Variants in PTK2B observed in about 807,000 individuals in gnomAD.
The protein encoded by PTK2B is protein-tyrosine kinase 2-beta.
In PTK2B, 71 loss-of-function variants were observed where a neutral mutation model predicts 142.9. That is an observed-to-expected ratio of 0.50 (90% CI 0.41 to 0.61). The LOEUF (loss-of-function observed/expected upper bound fraction) is 0.61, where lower values mean the gene tolerates loss of function less well. PTK2B is among the 20% of genes least tolerant of loss of function. The pLI, the probability that PTK2B is intolerant of heterozygous loss-of-function variation, is 0.00. For synonymous variants in PTK2B, 519 were observed against 503.4 expected (o/e 1.03, Z -0.42); for missense variants, 1,105 against 1,320.4 (o/e 0.84, Z 2.53).
Position 27,437,478 on chromosome 8 carries a change from A to G in PTK2B, c.1509A>G (p.Glu503=), listed in dbSNP as rs1467206313. Residue 503 remains glutamate, a synonymous_variant, in exon 17 of 31, where the codon GAA becomes GAG. Coordinates refer to ENST00000346049, the MANE Select transcript of PTK2B (RefSeq NM_173176.3). ...AGGAGCCCACCTGGATCATCATGGA[A>G]TTGTATCCCTATGGGGAGGTGAGCT... ...IEEEPTWIIM[E]LYPYGELGHY... is the part of the protein sequence containing the mutation. The G allele has an allele frequency of 6.2e-7, 1 of 1,611,424 alleles. No homozygotes were observed. The highest frequency in any genetic ancestry group is 1.7e-5 in the Admixed American group (1 of 59,580).
intron 26 of PTK2B, 61 bp downstream of exon 26, chr8:27,451,139 T>C (rs1420181620): frequency 1.3e-6 from 2 of 1,561,366 alleles, no homozygotes; most frequent in Non-Finnish European, 1.8e-6. Flanking sequence ...TCGCCCACCA[T>C]AGGACCCCCC....
intron 2 of PTK2B, among the ~76,000 whole-genome samples, chr8:27,399,010 A>G (rs927646842): frequency 6.6e-6 from 1 of 152,196 alleles, no homozygotes; most frequent in African/African-American, 2.4e-5. Flanking sequence ...ATAAAGGCAC[A>G]ATTGTGTCCT....
intron 4 of PTK2B, among the ~76,000 whole-genome samples, chr8:27,421,025 G>A (rs1809714823): frequency 6.6e-6 from 1 of 152,172 alleles, no homozygotes; most frequent in Non-Finnish European, 1.5e-5. Context: ...GCAAGAGCAG[G>A]TCCAAGATGA....
intron 1 of PTK2B, among the ~76,000 whole-genome samples, chr8:27,362,473 C>T (rs979719313): frequency 6.6e-6 from 1 of 152,160 alleles, no homozygotes; most frequent in Non-Finnish European, 1.5e-5. Context: ...AATTTCTCAC[C>T]TAGGGGAGGT....
intron 1 of PTK2B, among the ~76,000 whole-genome samples, chr8:27,350,990 A>AATATATATATATATAT (rs1161548916): frequency 1.7e-4 from 2 of 12,088 alleles, no homozygotes; most frequent in Non-Finnish European, 3.1e-4. Flanking sequence ...AAAAAAAAAA[A>AATATATATATATATAT]ATATATATAT....
chr8:27,373,447 AT>A lies in PTK2B; in HGVS notation c.-37-24099del, dbSNP rs201033010. Among the ~76,000 whole-genome samples the A allele has an allele frequency of 5.5e-3, 839 of 152,228 alleles. 4 individuals carry two copies. The highest frequency in any genetic ancestry group is 0.019 in the African/African-American group (789 of 41,526). ...GAAAGTAGCTAAACAACTGGAGAGA[AT>A]TGGCCTTGGGCAAGCAGCTAGGAGA... On this transcript the variant is annotated intron_variant, in intron 1 of 30. Coordinates refer to ENST00000346049, the MANE Select transcript of PTK2B (RefSeq NM_173176.3).
intron 22 of PTK2B, among the ~76,000 whole-genome samples, chr8:27,443,288 TG>T (rs1403953093): frequency 6.6e-6 from 1 of 152,164 alleles, no homozygotes; most frequent in African/African-American, 2.4e-5. Flanking sequence ...GACACATGGG[TG>T]GGAAGTATCC....
chr8:27,433,945 A>G, intron 11 of PTK2B, 148 bp from the exon 12 acceptor site: 1 of 1,105,914 alleles, frequency 9.0e-7, no homozygotes, highest in Non-Finnish European at 1.4e-6. Context: ...TTCTGGCCCA[A>G]GGCCTCACTA....
At chr8:27,418,977 G>A (rs1419236536) in intron 2 of PTK2B, among the ~76,000 whole-genome samples, 4 of 151,974 alleles carry the variant, frequency 2.6e-5, no homozygotes, top group Non-Finnish European at 5.9e-5. Flanking sequence ...GCAGTGAGCC[G>A]AGATCACATC....
At chr8:27,310,924 G>A (rs573527374), upstream of PTK2B, 2 of 1,612,670 alleles carry the variant, frequency 1.2e-6, no homozygotes, top group Non-Finnish European at 1.7e-6. Context: ...GCTGTCCGCG[G>A]TGCAGGCGGC....
At chr8:27,426,393 G>C (rs979345948) in intron 5 of PTK2B, among the ~76,000 whole-genome samples, 2 of 152,182 alleles carry the variant, frequency 1.3e-5, no homozygotes, top group African/African-American at 4.8e-5. Context: ...GCACTAGAGG[G>C]CACTCCAGGT....
In PTK2B at chr8:27,438,746, G is replaced by A. The variant is rs184895854; in HGVS notation, c.1644-285G>A. Among the ~76,000 whole-genome samples the A allele has an allele frequency of 2.8e-4, 42 of 152,304 alleles. No individual in the cohort carries two copies. In the East Asian group the frequency reaches 4.1e-3, roughly 15 times the overall value. On this transcript the variant is annotated intron_variant, in intron 18 of 30. Coordinates refer to ENST00000346049, the MANE Select transcript of PTK2B (RefSeq NM_173176.3). ...GCCAGGCTTCAAGCTGGAGATGGAT[G>A]AAGGGGTGATGGGAGACAGAGCCCA... is the stretch of plus-strand genomic sequence containing the variant.
intron 7 of PTK2B, 87 bp downstream of exon 7, chr8:27,430,505 A>G: frequency 6.4e-7 from 1 of 1,555,468 alleles, no homozygotes; most frequent in Non-Finnish European, 8.9e-7. Flanking sequence ...GGATACTCAG[A>G]GAAGCCAGGG....
rs1230855343 is a variant in PTK2B at position 27,430,867 on chromosome 8, C to T, written c.670-9C>T. 1.9e-6 allele frequency: 3 copies of T among 1,613,088 alleles called. No individual in the cohort carries two copies. Among genetic ancestry groups the T allele is most frequent in the Non-Finnish European group, 2.5e-6 (3 of 1,179,378 alleles). On this transcript the variant is annotated splice_polypyrimidine_tract_variant and intron_variant, in intron 7 of 30. Transcript: ENST00000346049. Reference sequence around the variant, plus strand: ...AGGCATTGCTCACACGGCCCATCCCCTCCCCCAGCCCAAACAGTTCCGGAA... The same window carrying T: ...AGGCATTGCTCACACGGCCCATCCCTTCCCCCAGCCCAAACAGTTCCGGAA...
chr8:27,379,472 C>T (rs1218463358), intron 1 of PTK2B, among the ~76,000 whole-genome samples: 1 of 152,178 alleles, frequency 6.6e-6, no homozygotes, highest in Admixed American at 6.5e-5. Context: ...AAGTGATCTA[C>T]CTACCTCGGC....
At chr8:27,369,378 A>T (rs1188499060) in intron 1 of PTK2B, among the ~76,000 whole-genome samples, 1 of 152,230 alleles carries the variant, frequency 6.6e-6, no homozygotes, top group Non-Finnish European at 1.5e-5. Context: ...TTCATGTATT[A>T]AGAACTTAAG....
At chr8:27,364,001 GT>G (rs1213710510) in intron 1 of PTK2B, among the ~76,000 whole-genome samples, 7 of 152,188 alleles carry the variant, frequency 4.6e-5, no homozygotes. Flanking sequence ...TATCAGCTGA[GT>G]CCCAGGGCCT....
chr8:27,380,561 C>T (rs888937028), intron 1 of PTK2B: 4 of 151,998 alleles, frequency 2.6e-5, no homozygotes, highest in South Asian at 2.1e-4. Context: ...TTTACCCAAG[C>T]GCCTTTTTTC....
At chr8:27,350,944 C>A (rs2130481603) in intron 1 of PTK2B, among the ~76,000 whole-genome samples, 1 of 129,086 alleles carries the variant, frequency 7.7e-6, no homozygotes, top group South Asian at 2.6e-4. Context: ...CCAGTGCATT[C>A]CAGCCTGGGG....
Sources: gnomAD v4.1 joint callset for allele counts (sites outside exome capture counted in the v4.1 genomes callset) on GRCh38, gnomAD v4.1.1 for gene constraint, MANE v1.5 for transcripts, NCBI Gene and HGNC (gene_info 2026-07-23, HGNC 2026-07-21) for gene names.